The following DMD variants were observed in gnomAD, a reference collection of about 807,000 sequenced individuals.
DMD encodes the protein dystrophin.
DMD carries 63 observed loss-of-function variants against 330.1 expected under a neutral mutation model. The ratio of observed to expected loss-of-function variants is 0.19; its 90% CI spans 0.16 to 0.24. The LOEUF (loss-of-function observed/expected upper bound fraction) is 0.24. DMD is among the 10% of genes least tolerant of loss of function. The pLI, the probability that DMD is intolerant of heterozygous loss-of-function variation, is 1.00. For missense variants in DMD, 3,344 were observed against 2,684.1 expected, an observed-to-expected ratio of 1.25 and a Z score of -5.43; for synonymous variants, 1,223 against 959.8, an observed-to-expected ratio of 1.27 and a Z score of -5.07.
chrX:32,260,051 A>G (rs2097315511), intron 43 of DMD, among the ~76,000 whole-genome samples: 1 of 109,502 alleles, frequency 9.1e-6, no homozygotes, highest in Non-Finnish European at 1.9e-5. Flanking sequence ...GAAAATTAGT[A>G]CTCTTTGGAT....
At chrX:31,185,027 G>A (rs1354097759) in intron 67 of DMD, among the ~76,000 whole-genome samples, 1 of 102,807 alleles carries the variant, frequency 9.7e-6, no homozygotes, top group Non-Finnish European at 2.0e-5. Context: ...TGACGAGTTA[G>A]TGGGTGCAGC....
At chrX:32,179,211 G>A (rs182513965) in intron 44 of DMD, among the ~76,000 whole-genome samples, 56 of 110,901 alleles carry the variant, frequency 5.0e-4, no homozygotes, top group African/African-American at 1.7e-3. Context: ...AATATTGGAT[G>A]TGGTGATGAG....
chrX:32,019,203 CAACTTG>C (rs1293581235), intron 44 of DMD, among the ~76,000 whole-genome samples: 7 of 109,050 alleles, frequency 6.4e-5, no homozygotes, highest in African/African-American at 1.7e-4. Flanking sequence ...TTTATTTAAG[CAACTTG>C]AACACGCATC....
chrX:32,712,181 G>C (rs1414112553), intron 7 of DMD, among the ~76,000 whole-genome samples: 1 of 111,454 alleles, frequency 9.0e-6, no homozygotes, highest in Non-Finnish European at 1.9e-5. Flanking sequence ...CTTGCCATAA[G>C]TCGAGGATTA....
At chrX:32,519,588 C>A (rs973048569) in intron 17 of DMD, among the ~76,000 whole-genome samples, 1 of 111,348 alleles carries the variant, frequency 9.0e-6, no homozygotes, top group African/African-American at 3.3e-5. Flanking sequence ...TTGATATAGC[C>A]CATGATTTCA....
chrX:33,141,740 T>C (rs2047809987), intron 1 of DMD, among the ~76,000 whole-genome samples: 1 of 111,265 alleles, frequency 9.0e-6, no homozygotes, highest in African/African-American at 3.3e-5. Context: ...TAAAATTTTA[T>C]AGGTTCAACA....
At chrX:32,057,270 C>A (rs2147620519) in intron 44 of DMD, among the ~76,000 whole-genome samples, 1 of 110,824 alleles carries the variant, frequency 9.0e-6, no homozygotes. Flanking sequence ...CTAGCCAGAA[C>A]AATTAGATAA....
chrX:31,761,131 C>T (rs767857048), intron 51 of DMD, among the ~76,000 whole-genome samples: 156 of 110,007 alleles, frequency 1.4e-3, no homozygotes, highest in African/African-American at 4.8e-3. Flanking sequence ...GTGATCCGCC[C>T]GCCTCATCCT....
At chrX:31,691,132 A>T (rs1389658047) in intron 52 of DMD, among the ~76,000 whole-genome samples, 2 of 111,368 alleles carry the variant, frequency 1.8e-5, no homozygotes, top group Non-Finnish European at 3.8e-5. Context: ...AAAAAAAGTA[A>T]GTTGTGATGT....
intron 16 of DMD, among the ~76,000 whole-genome samples, chrX:32,560,906 G>A (rs113842886): frequency 0.011 from 1,247 of 111,719 alleles, 20 homozygotes; most frequent in African/African-American, 0.038. Context: ...ACATACAAAT[G>A]CATGTATCTT....
chrX:31,733,229 GA>G (rs1160268019), intron 51 of DMD, among the ~76,000 whole-genome samples: 1 of 111,447 alleles, frequency 9.0e-6, no homozygotes, highest in East Asian at 2.8e-4. Context: ...GCAACCCTAT[GA>G]AATAGGAAGT....
intron 44 of DMD, among the ~76,000 whole-genome samples, chrX:32,158,998 T>C (rs187744274): frequency 1.2e-3 from 136 of 112,445 alleles, no homozygotes; most frequent in African/African-American, 4.2e-3. Flanking sequence ...CACACCTTAA[T>C]AGTCTCTGAG....
chrX:32,197,982 T>C (rs765849805), intron 44 of DMD, among the ~76,000 whole-genome samples: 48 of 111,793 alleles, frequency 4.3e-4, no homozygotes, highest in Non-Finnish European at 7.7e-4. Flanking sequence ...ACAGCCCTTT[T>C]GTATCCTTTG....
At chrX:31,222,276 T>G (rs370919992) in intron 64 of DMD, among the ~76,000 whole-genome samples, 1 of 105,630 alleles carries the variant, frequency 9.5e-6, no homozygotes, top group African/African-American at 3.5e-5. Flanking sequence ...TAATCCCAGC[T>G]ACCTGGGAGG....
At chrX:32,523,117 G>A (rs765718363) in intron 17 of DMD, among the ~76,000 whole-genome samples, 18 of 111,662 alleles carry the variant, frequency 1.6e-4, no homozygotes, top group Non-Finnish European at 2.1e-4. Flanking sequence ...TCTACTAGGC[G>A]TTGAATTGAC....
intron 11 of DMD, among the ~76,000 whole-genome samples, chrX:32,624,056 G>A (rs2058179809): frequency 8.9e-6 from 1 of 112,107 alleles, no homozygotes; most frequent in Admixed American, 9.5e-5. Flanking sequence ...AATGAGACAG[G>A]AGTTTCTTAT....
chrX:31,358,719 CAT>C (rs2058786477), intron 60 of DMD, among the ~76,000 whole-genome samples: 1 of 112,374 alleles, frequency 8.9e-6, no homozygotes, highest in African/African-American at 3.2e-5. Context: ...ATAAGAGAGA[CAT>C]GTGTCGGCTT....
intron 60 of DMD, among the ~76,000 whole-genome samples, chrX:31,394,339 T>C (rs1028808160): frequency 1.8e-5 from 2 of 112,666 alleles, no homozygotes; most frequent in Admixed American, 1.9e-4. Context: ...ATGATCCTTG[T>C]TAGCAGGATA....
At chrX:31,675,465 C>A (rs1444378607) in intron 53 of DMD, among the ~76,000 whole-genome samples, 1 of 111,771 alleles carries the variant, frequency 8.9e-6, no homozygotes, top group Non-Finnish European at 1.9e-5. Flanking sequence ...CGGGTTCAAG[C>A]GATTCCCCTG....
Sources: allele counts gnomAD v4.1 joint callset (sites outside exome capture counted in the v4.1 genomes callset), GRCh38; gene constraint gnomAD v4.1.1; transcripts MANE v1.5; gene names NCBI Gene and HGNC (gene_info 2026-07-23, HGNC 2026-07-21).